The following NCSTN variants were observed in gnomAD, a reference collection of about 807,000 sequenced individuals.
The protein encoded by NCSTN is nicastrin.
Under a neutral mutation model 87.0 loss-of-function variants are expected in NCSTN, and 22 were observed. The ratio of observed to expected loss-of-function variants is 0.25; its 90% CI spans 0.18 to 0.36. The LOEUF (loss-of-function observed/expected upper bound fraction) is 0.36, where lower values mean the gene tolerates loss of function less well. Ranked by LOEUF, NCSTN falls within the 10% of genes least tolerant of loss-of-function variation. NCSTN has a pLI of 1.00. For synonymous variants in NCSTN, 306 were observed against 327.1 expected, an observed-to-expected ratio of 0.94 and a Z score of 0.69; for missense variants, 693 against 883.3, an observed-to-expected ratio of 0.78 and a Z score of 2.73.
intron 1 of NCSTN, 154 bp downstream of exon 1, chr1:160,343,635 C>G: frequency 1.2e-6 from 1 of 810,718 alleles, no homozygotes; most frequent in Non-Finnish European, 2.1e-6. Context: ...ACAGAAGTTC[C>G]CCCTTTGCCT....
intron 2 of NCSTN, among the ~76,000 whole-genome samples, chr1:160,346,773 T>G (rs1648515930): frequency 1.3e-5 from 2 of 152,068 alleles, no homozygotes; most frequent in Admixed American, 1.3e-4. Context: ...GCCCAGCTAA[T>G]TTTTTGTATC....
intron 8 of NCSTN, among the ~76,000 whole-genome samples, chr1:160,352,672 C>A (rs533955051): frequency 6.6e-6 from 1 of 152,332 alleles, no homozygotes; most frequent in South Asian, 2.1e-4. Context: ...TTCCCCATTT[C>A]TGGGCTTCAG....
rs2296271 is a variant in NCSTN, at chr1:160,353,014, C to A, written c.1101+23C>A. 3 of 1,603,036 alleles carry A rather than the reference C, an allele frequency of 1.9e-6. No individual in the cohort carries two copies. In the East Asian group the frequency reaches 6.7e-5, roughly 36 times the overall value. On this transcript the variant is annotated intron_variant, in intron 9 of 16. Coordinates refer to ENST00000294785, the MANE Select transcript of NCSTN (RefSeq NM_015331.3). ...CAGGTATGTGGCATGTCCCCCAGCC[C>A]CTTCCTTTTTAATTAAATCTTCCTC...
Position 160,358,605 on chromosome 1 carries a change from C to G in NCSTN, c.*334C>G. On this transcript the variant is annotated 3_prime_UTR_variant, in exon 17 of 17. Coordinates refer to ENST00000294785, the MANE Select transcript of NCSTN (RefSeq NM_015331.3). ...TCAGGACCCTTCTACTTTTTCCTTC[C>G]TGCCCTGTACCTCTCTCTGCTCCTC... is the stretch of plus-strand genomic sequence containing the variant. 1 of 376,144 alleles carries G rather than the reference C, an allele frequency of 2.7e-6. No individual in the cohort carries two copies. The highest frequency in any genetic ancestry group is 2.2e-5 in the South Asian group (1 of 46,286). 23.3% of individuals were successfully genotyped at this position (376,144 alleles called of 1,614,324 possible). A position where few individuals can be genotyped will look rare whatever the true frequency, so the allele number is the denominator to read the frequency against.
At chr1:160,349,805 T>C (rs1648739058) in intron 4 of NCSTN, 135 bp downstream of exon 4, 1 of 1,297,408 alleles carries the variant, frequency 7.7e-7, no homozygotes, top group African/African-American at 1.5e-5. Flanking sequence ...AAACAGGGGG[T>C]AGTGTTTATT....
Position 160,355,663 on chromosome 1 carries a change from A to T in NCSTN, c.1361A>T (p.Gln454Leu). 6.2e-7 allele frequency: 1 copy of T among 1,613,260 alleles called. No homozygotes were observed. ...GCCGGCTTTCCTGGCAGATATTACC[A>T]GAGTATTTACGACACTGCTGAGAAC... ...HSGAFHNKYY[Q>L]SIYDTAENIN... is the part of the protein sequence containing the mutation. Residue 454 changes from glutamine to leucine, a missense_variant, in exon 12 of 17, where the codon CAG becomes CTG. Around this residue, in one of 4 missense-constraint regions of NCSTN, gnomAD observed 108 missense variants for 111.6 expected, o/e 0.97. Coordinates refer to ENST00000294785, the MANE Select transcript of NCSTN (RefSeq NM_015331.3).
chr1:160,344,825 G>T lies in NCSTN; in HGVS notation c.189G>T (p.Gln63His), dbSNP rs758385478. The T allele has an allele frequency of 3.1e-6, 5 of 1,612,302 alleles. No homozygotes were observed. The highest frequency in any genetic ancestry group is 2.2e-5 in the East Asian group (1 of 44,872). Residue 63 changes from glutamine to histidine, a missense_variant and splice_region_variant, in exon 2 of 17, where the codon CAG becomes CAT. Transcript: ENST00000294785. ...LLNATHQIGC[Q>H]SSISGDTGVI... ...ACGCCACTCATCAGATTGGCTGCCA[G>T]TGTGAGTTGAGATGGATTCATGTTT...
In NCSTN at chr1:160,353,269, C is replaced by G. The variant is rs140142139; in HGVS notation, c.1179+32C>G. ...TGAGCATCTCCCCTCATTTCCTATT[C>G]CTACAGCTCAGAATCCAGACCCCAA... is the stretch of plus-strand genomic sequence containing the variant. On this transcript the variant is annotated intron_variant, in intron 10 of 16. Transcript: ENST00000294785. 3.0e-3 allele frequency: 4,903 copies of G among 1,614,002 alleles called. 10 individuals are homozygous for G. Among genetic ancestry groups the G allele is most frequent in the Non-Finnish European group, 3.5e-3 (4,184 of 1,179,910 alleles).
At position 160,349,533 on chromosome 1, in the gene NCSTN, TC is replaced by T. The variant is rs756550915; in HGVS notation, c.315-14del. 6.2e-7 allele frequency: 1 copy of T among 1,614,176 alleles called. No individual in the cohort carries two copies. Among genetic ancestry groups the T allele is most frequent in the South Asian group, 1.1e-5 (1 of 91,072 alleles). ...ACCTTCCTGTGTTCCTTCATGGAAT[TC>T]CTTTCCTATTCCAGGGATTTAATGG... On this transcript the variant is annotated splice_polypyrimidine_tract_variant and intron_variant, in intron 3 of 16. Coordinates refer to ENST00000294785, the MANE Select transcript of NCSTN (RefSeq NM_015331.3).
chr1:160,343,908 C>T, intron 1 of NCSTN: 1 of 370,974 alleles, frequency 2.7e-6, no homozygotes, highest in Non-Finnish European at 5.4e-6. Flanking sequence ...TTATTTCTTC[C>T]TCTGTTGATT....
Position 160,344,812 on chromosome 1 carries a change from A to C in NCSTN, c.176A>C (p.Gln59Pro). The part of the protein sequence containing the change: ...PCVRLLNATH[Q>P]IGCQSSISGD... ...GTTCGCCTGCTCAACGCCACTCATC[A>C]GATTGGCTGCCAGTGTGAGTTGAGA... The change falls in exon 2 of 17, where the codon CAG becomes CCG. Residue 59 changes from glutamine (Q) to proline (P), a missense_variant. By Grantham distance (76) the Gln-to-Pro change is moderately conservative (BLOSUM62 -1). Coordinates refer to ENST00000294785, the MANE Select transcript of NCSTN (RefSeq NM_015331.3). 1 of 1,613,464 alleles carries C rather than the reference A, an allele frequency of 6.2e-7. No individual in the cohort carries two copies. Among genetic ancestry groups the C allele is most frequent in the Non-Finnish European group, 8.5e-7 (1 of 1,179,388 alleles).
chr1:160,349,790 C>A, intron 4 of NCSTN, 120 bp downstream of exon 4: 1 of 1,387,648 alleles, frequency 7.2e-7, no homozygotes, highest in Non-Finnish European at 1.0e-6. Flanking sequence ...CAGTAACTGA[C>A]TCCCAAACAG....
intron 2 of NCSTN, among the ~76,000 whole-genome samples, chr1:160,348,647 A>C (rs1298620424): frequency 2.0e-5 from 3 of 152,244 alleles, no homozygotes; most frequent in Non-Finnish European, 2.9e-5. Flanking sequence ...CCTGAGCTAG[A>C]GATTTAGTGG....
intron 1 of NCSTN, 72 bp downstream of exon 1, chr1:160,343,553 T>TG: frequency 1.4e-6 from 2 of 1,404,148 alleles, no homozygotes; most frequent in Non-Finnish European, 2.0e-6. Flanking sequence ...CGACCGCCAC[T>TG]GTCTCCCTTC....
chr1:160,355,852 A>G lies in NCSTN; in HGVS notation c.1456-11A>G. Reference sequence around the variant, plus strand: ...AGGTGGGCCATTCAGCCCCCTCCTCACCTACCACAGGCCCTGGCAGATGTG... The same window carrying G: ...AGGTGGGCCATTCAGCCCCCTCCTCGCCTACCACAGGCCCTGGCAGATGTG... On this transcript the variant is annotated splice_polypyrimidine_tract_variant and intron_variant, in intron 12 of 16. Coordinates refer to ENST00000294785, the MANE Select transcript of NCSTN (RefSeq NM_015331.3). 1 of 1,613,156 alleles carries G rather than the reference A, an allele frequency of 6.2e-7. No homozygotes were observed. Among genetic ancestry groups the G allele is most frequent in the South Asian group, 1.1e-5 (1 of 91,056 alleles).
At chr1:160,350,388 G>T in intron 5 of NCSTN, 138 bp downstream of exon 5, 1 of 914,032 alleles carries the variant, frequency 1.1e-6, no homozygotes. Context: ...GGAGGCAGAG[G>T]TTTCAGTGAG....
intron 8 of NCSTN, 104 bp downstream of exon 8, chr1:160,352,310 T>A: frequency 7.0e-7 from 1 of 1,424,132 alleles, no homozygotes; most frequent in Non-Finnish European, 9.8e-7. Flanking sequence ...CCTAAGTTGT[T>A]AACCAGCACA....
At chr1:160,355,804 A>T in intron 12 of NCSTN, 47 bp downstream of exon 12, 1 of 1,602,842 alleles carries the variant, frequency 6.2e-7, no homozygotes, top group Non-Finnish European at 8.5e-7. Context: ...CACAGTGAAG[A>T]TGCTAGCATT....
chr1:160,354,757 G>A (rs1288897799), intron 11 of NCSTN, among the ~76,000 whole-genome samples: 2 of 152,148 alleles, frequency 1.3e-5, no homozygotes, highest in Non-Finnish European at 2.9e-5. Flanking sequence ...TCAGTGCGAG[G>A]GTAAAAGTGC....
Sources: allele counts gnomAD v4.1 joint callset (sites outside exome capture counted in the v4.1 genomes callset), GRCh38; gene constraint gnomAD v4.1.1; regional missense constraint gnomAD v4.1.1; transcripts MANE v1.5; gene names NCBI Gene and HGNC (gene_info 2026-07-23, HGNC 2026-07-21).